TDRD12: variants seen among roughly 807,000 people sequenced by gnomAD.
The protein encoded by TDRD12 is tudor domain containing 12, also known as putative ATP-dependent RNA helicase TDRD12.
TDRD12 carries 158 observed loss-of-function variants against 133.5 expected under a neutral mutation model. That is an observed-to-expected ratio of 1.18 (90% CI 1.04 to 1.35). TDRD12 has a LOEUF of 1.35. Among genes scored for constraint, TDRD12 ranks in the 40% most tolerant of loss-of-function variants. The pLI is 0.00. For synonymous variants in TDRD12, 460 were observed against 477.9 expected (o/e 0.96, Z 0.49); for missense variants, 1,443 against 1,321.3 (o/e 1.09, Z -1.43).
At chr19:32,800,293 A>G in exon 17 of TDRD12, 3 of 1,534,312 alleles carry the variant, frequency 2.0e-6, no homozygotes, top group East Asian at 2.4e-5. Flanking sequence ...CAAAGAGTTC[A>G]TGAATGATCC....
intron 26 of TDRD12, among the ~76,000 whole-genome samples, chr19:32,816,402 G>A (rs563646222): frequency 6.6e-6 from 1 of 152,272 alleles, no homozygotes; most frequent in African/African-American, 2.4e-5. Flanking sequence ...TTGTTTGAAA[G>A]GAATTAGACA....
intron 16 of TDRD12, among the ~76,000 whole-genome samples, 177 bp from the exon 17 acceptor site, chr19:32,799,990 T>A (rs1971340014): frequency 6.6e-6 from 1 of 152,058 alleles, no homozygotes; most frequent in Non-Finnish European, 1.5e-5. Flanking sequence ...TGCCTCAGCC[T>A]CCCAAAGTGC....
At chr19:32,731,681 T>A (rs1426878311) in intron 1 of TDRD12, 44 bp from the exon 2 acceptor site, 30 of 1,461,846 alleles carry the variant, frequency 2.1e-5, no homozygotes, top group Admixed American at 2.8e-5. Context: ...TGGTACTACT[T>A]TTAAATCATA....
At chr19:32,828,823 G>A (rs1967668465) in exon 10 of TDRD12, 1 of 152,220 alleles carries the variant, frequency 6.6e-6, no homozygotes, top group African/African-American at 2.4e-5. Flanking sequence ...AGTGCTGCTG[G>A]GTTGGGCAGT....
chr19:32,743,482 A>T (rs1240887393), intron 4 of TDRD12, among the ~76,000 whole-genome samples: 2 of 151,748 alleles, frequency 1.3e-5, no homozygotes, highest in African/African-American at 4.8e-5. Flanking sequence ...TTCTGGGCTT[A>T]AGCGATCCTC....
At chr19:32,796,125 T>A in intron 14 of TDRD12, 1 of 985,036 alleles carries the variant, frequency 1.0e-6, no homozygotes, top group Non-Finnish European at 1.2e-6. Flanking sequence ...TTGTGGCTGT[T>A]AGGGGCCTGA....
intron 11 of TDRD12, among the ~76,000 whole-genome samples, chr19:32,784,638 A>G (rs1304470637): frequency 6.6e-6 from 1 of 152,062 alleles, no homozygotes; most frequent in Non-Finnish European, 1.5e-5. Context: ...TTTGGTTGGC[A>G]GGCTATTACA....
intron 8 of TDRD12, among the ~76,000 whole-genome samples, chr19:32,767,607 A>G (rs1278853128): frequency 6.6e-6 from 1 of 152,186 alleles, no homozygotes; most frequent in African/African-American, 2.4e-5. Flanking sequence ...TGGCCTTGCC[A>G]TCCTGAAGGT....
At chr19:32,748,370 T>C (rs1219325944) in intron 4 of TDRD12, 106 bp from the exon 5 acceptor site, 8 of 1,127,406 alleles carry the variant, frequency 7.1e-6, no homozygotes, top group Non-Finnish European at 1.0e-5. Flanking sequence ...GCATCACGTG[T>C]TCCATATGTA....
intron 1 of TDRD12, among the ~76,000 whole-genome samples, chr19:32,727,553 A>G (rs1470027175): frequency 6.6e-6 from 1 of 152,190 alleles, no homozygotes; most frequent in Admixed American, 6.5e-5. Context: ...ATCCAACGTC[A>G]CAAAGCATTT....
intron 2 of TDRD12, 109 bp downstream of exon 2, chr19:32,731,992 C>T (rs1969071734): frequency 1.8e-6 from 2 of 1,128,660 alleles, no homozygotes; most frequent in African/African-American, 1.6e-5. Flanking sequence ...TAGTTTCTTA[C>T]ACTCAGTGCC....
rs1436371034 is a variant in TDRD12 at position 32,827,076 on chromosome 19, T to G, written c.1050-88T>G. On this transcript the variant is annotated intron_variant, in intron 9 of 9. Coordinates refer to the TDRD12 transcript ENST00000637289. ...TACATAGAGCTGGAACCCAAGGCATTTTTTTCTGCATTGACCCAAATAATG... is the reference window on the plus strand; with the variant it reads ...TACATAGAGCTGGAACCCAAGGCATGTTTTTCTGCATTGACCCAAATAATG... 4.4e-6 allele frequency: 3 copies of G among 680,972 alleles called. No homozygotes were observed. The South Asian group carries it at 2.4e-4, about 54-fold the overall frequency. The allele number at this position is 680,972 out of a possible 1,614,324, so 42.2% of individuals were successfully genotyped here. A position where few individuals can be genotyped will look rare whatever the true frequency, so the allele number is the denominator to read the frequency against.
intron 25 of TDRD12, among the ~76,000 whole-genome samples, chr19:32,814,065 T>C (rs1034120278): frequency 3.3e-5 from 5 of 152,240 alleles, no homozygotes; most frequent in African/African-American, 1.2e-4. Flanking sequence ...GAGGACTCCA[T>C]GCTACATTCT....
intron 14 of TDRD12, chr19:32,796,311 C>A: frequency 4.3e-6 from 2 of 461,290 alleles, no homozygotes; most frequent in Non-Finnish European, 5.7e-6. Flanking sequence ...ATCTGTTGGC[C>A]GGGCGCAGTG....
At chr19:32,819,146 G>A (rs730081) in intron 27 of TDRD12, among the ~76,000 whole-genome samples, 16,589 of 151,980 alleles carry the variant, frequency 0.11, 947 homozygotes, top group Middle Eastern at 0.14. Flanking sequence ...GCAAGACCCT[G>A]TCTCTACTAA....
chr19:32,820,980 C>G, intron 27 of TDRD12, 53 bp from the exon 28 acceptor site: 2 of 1,429,512 alleles, frequency 1.4e-6, no homozygotes, highest in Non-Finnish European at 9.4e-7. Context: ...TCCTCTTCCA[C>G]TTGGGCAGTT....
chr19:32,731,658 A>G, intron 1 of TDRD12, 67 bp from the exon 2 acceptor site: 3 of 1,367,096 alleles, frequency 2.2e-6, no homozygotes, highest in South Asian at 3.3e-5. Context: ...TCGTGGCTCT[A>G]AAGTTTATTT....
intron 1 of TDRD12, among the ~76,000 whole-genome samples, chr19:32,726,330 C>T (rs1351501416): frequency 3.3e-5 from 5 of 152,200 alleles, no homozygotes; most frequent in African/African-American, 1.2e-4. Flanking sequence ...CCACCCGCCT[C>T]AGCCTCCCAA....
chr19:32,722,597 C>T lies in TDRD12; in HGVS notation c.24+2501C>T, dbSNP rs528752047. Among the ~76,000 whole-genome samples the T allele has an allele frequency of 3.9e-5, 6 of 152,152 alleles. No individual in the cohort carries two copies. In the South Asian group the frequency reaches 1.2e-3, roughly 32 times the overall value. ...CATACACAATGGCATATTATTTAGC[C>T]TTAAATATCTGAGAAATCTTTGTCT... is the stretch of plus-strand genomic sequence containing the variant. On this transcript the variant is annotated intron_variant, in intron 1 of 27. Coordinates refer to ENST00000444215, the Ensembl canonical transcript of TDRD12.
Sources: gnomAD v4.1 joint callset for allele counts (sites outside exome capture counted in the v4.1 genomes callset) on GRCh38, gnomAD v4.1.1 for gene constraint, MANE v1.5 for transcripts, NCBI Gene and HGNC (gene_info 2026-07-23, HGNC 2026-07-21) for gene names.